DGKH: variants seen among roughly 807,000 people sequenced by gnomAD.
DGKH encodes diacylglycerol kinase eta.
A neutral mutation model predicts 159.3 loss-of-function variants in DGKH; 90 were observed. The ratio of observed to expected loss-of-function variants is 0.57; its 90% CI spans 0.48 to 0.67. The LOEUF (loss-of-function observed/expected upper bound fraction) is 0.67, where lower values mean the gene tolerates loss of function less well. Among genes scored for constraint, DGKH ranks in the 30% least tolerant of loss-of-function variants. DGKH has a pLI of 0.00. For missense variants in DGKH, 1,181 were observed against 1,506.1 expected, an observed-to-expected ratio of 0.78 and a Z score of 3.57; for synonymous variants, 536 against 553.8, an observed-to-expected ratio of 0.97 and a Z score of 0.45.
At chr13:42,111,734 A>C (rs1414630198) in intron 1 of DGKH, among the ~76,000 whole-genome samples, 1 of 152,202 alleles carries the variant, frequency 6.6e-6, no homozygotes, top group Non-Finnish European at 1.5e-5. Flanking sequence ...TTCACTAGAC[A>C]GGGGGAAGCT....
intron 29 of DGKH, among the ~76,000 whole-genome samples, chr13:42,249,504 G>T (rs1958605188): frequency 6.6e-6 from 1 of 152,126 alleles, no homozygotes; most frequent in South Asian, 2.1e-4. Context: ...TAATGAGAAG[G>T]TCAGCAAACT....
At chr13:42,136,711 T>G (rs1273921089) in intron 3 of DGKH, among the ~76,000 whole-genome samples, 1 of 152,090 alleles carries the variant, frequency 6.6e-6, no homozygotes, top group Non-Finnish European at 1.5e-5. Context: ...AGTCTGTAGG[T>G]GTGTGTGAAA....
rs562624722 is a variant in DGKH at position 42,122,608 on chromosome 13, C to T, written c.193-4855C>T. 4.6e-5 allele frequency among the ~76,000 whole-genome samples: 7 copies of T among 152,302 alleles called. No homozygotes were observed. In the South Asian group the frequency reaches 1.5e-3, roughly 32 times the overall value. On this transcript the variant is annotated intron_variant, in intron 1 of 29. Coordinates refer to ENST00000337343, the MANE Select transcript of DGKH (RefSeq NM_178009.5). The stretch of plus-strand genomic sequence containing the variant: ...ATGACCCCATAGCTTCTTGAAGGCT[C>T]TAGGTCTCAACACTGCCATATTGAG...
intron 8 of DGKH, among the ~76,000 whole-genome samples, chr13:42,165,679 T>C (rs1171532109): frequency 1.3e-5 from 2 of 152,148 alleles, no homozygotes; most frequent in East Asian, 1.9e-4. Context: ...TATGTTTTAG[T>C]AAATAAAACA....
chr13:42,056,094 A>G (rs553164346), intron 1 of DGKH, among the ~76,000 whole-genome samples: 71 of 152,360 alleles, frequency 4.7e-4, no homozygotes, highest in Non-Finnish European at 8.5e-4. Flanking sequence ...CCTTGCCTCT[A>G]AAACAAAAGA....
At chr13:42,041,704 CAG>C (rs1880519873) in intron 1 of DGKH, among the ~76,000 whole-genome samples, 1 of 152,134 alleles carries the variant, frequency 6.6e-6, no homozygotes, top group South Asian at 2.1e-4. Context: ...CCCTCTCACT[CAG>C]AGCTCTGGAA....
rs1210012459 is a variant in DGKH at position 42,194,606 on chromosome 13, C to CT, written c.2036-276dup. On this transcript the variant is annotated intron_variant, in intron 16 of 29. Transcript: ENST00000337343. ...AATGGACTTCAAAAGCTTCATTTAT[C>CT]TTTAAGTGTGCATTGATCATATTCA... Among the ~76,000 whole-genome samples, 5 of 152,266 alleles carry CT rather than the reference C, an allele frequency of 3.3e-5. No homozygotes were observed. The East Asian group carries it at 7.7e-4, about 23-fold the overall frequency.
intron 20 of DGKH, among the ~76,000 whole-genome samples, chr13:42,205,548 CTT>C (rs1957444436): frequency 6.6e-6 from 1 of 152,110 alleles, no homozygotes; most frequent in Non-Finnish European, 1.5e-5. Flanking sequence ...TTTTGCTTGA[CTT>C]TGGTTCTGAC....
rs1415726609 is a variant in DGKH at position 42,230,722 on chromosome 13, G to GTA, written c.*1543_*1544dup. On this transcript the variant is annotated 3_prime_UTR_variant, in exon 30 of 30. Transcript: ENST00000337343. ...TACATACACATATACATTTATATGT[G>GTA]TATATATATACCTACATACATATAA... 6.6e-6 allele frequency: 1 copy of GTA among 151,530 alleles called. No homozygotes were observed. Among genetic ancestry groups the GTA allele is most frequent in the Non-Finnish European group, 1.5e-5 (1 of 67,914 alleles). 9.4% of individuals were successfully genotyped at this position (151,530 alleles called of 1,614,324 possible). A position where few individuals can be genotyped will look rare whatever the true frequency, so the allele number is the denominator to read the frequency against.
At chr13:42,065,925 T>C (rs1190312862) in intron 1 of DGKH, among the ~76,000 whole-genome samples, 8 of 151,912 alleles carry the variant, frequency 5.3e-5, no homozygotes, top group African/African-American at 1.9e-4. Context: ...TGAGACAGAG[T>C]CTCCTTCTGT....
intron 5 of DGKH, among the ~76,000 whole-genome samples, chr13:42,158,896 C>A (rs1024961439): frequency 2.6e-5 from 4 of 152,096 alleles, no homozygotes; most frequent in African/African-American, 2.4e-5. Context: ...ATAATCAGCA[C>A]CTACATTTAA....
At chr13:42,137,333 G>T (rs1955421871) in intron 3 of DGKH, among the ~76,000 whole-genome samples, 1 of 152,166 alleles carries the variant, frequency 6.6e-6, no homozygotes, top group African/African-American at 2.4e-5. Flanking sequence ...GATATTTGTT[G>T]TAACTGTTAT....
chr13:42,228,991 T>C (rs994271334), intron 29 of DGKH, 108 bp from the exon 30 acceptor site: 6 of 884,518 alleles, frequency 6.8e-6, no homozygotes, highest in Non-Finnish European at 1.0e-5. Context: ...TCCCCAATTT[T>C]CTATTTTCAA....
intron 1 of DGKH, among the ~76,000 whole-genome samples, chr13:42,072,252 G>A (rs190428360): frequency 6.6e-5 from 10 of 152,282 alleles, no homozygotes; most frequent in African/African-American, 2.4e-4. Flanking sequence ...TTTTGAGAAA[G>A]GCCTGGTCTT....
chr13:42,160,932 C>G (rs1956165895), intron 7 of DGKH, among the ~76,000 whole-genome samples: 1 of 152,046 alleles, frequency 6.6e-6, no homozygotes, highest in South Asian at 2.1e-4. Context: ...ATGAGATTGT[C>G]TGATAGGCTA....
chr13:42,129,551 G>C lies in DGKH; in HGVS notation c.304-1G>C. 6.2e-7 allele frequency: 1 copy of C among 1,609,574 alleles called. No homozygotes were observed. The highest frequency in any genetic ancestry group is 8.5e-7 in the Non-Finnish European group (1 of 1,177,454). On this transcript the variant is annotated splice_acceptor_variant, in intron 2 of 29. Coordinates refer to ENST00000337343, the MANE Select transcript of DGKH (RefSeq NM_178009.5). LOFTEE classifies it high-confidence loss of function. The stretch of plus-strand genomic sequence containing the variant: ...CTTTGTATGTTTTTTTTCATTAACA[G>C]TCTCTGATATTTGATGAAGTTGACC...
At chr13:42,103,441 T>A (rs1043738229) in intron 1 of DGKH, among the ~76,000 whole-genome samples, 6 of 152,200 alleles carry the variant, frequency 3.9e-5, no homozygotes, top group Non-Finnish European at 8.8e-5. Context: ...AAAACCCACA[T>A]CATGTTGGCG....
intron 3 of DGKH, chr13:42,138,098 A>C (rs926513894): frequency 1.0e-6 from 1 of 985,324 alleles, no homozygotes; most frequent in African/African-American, 1.7e-5. Flanking sequence ...GCCTTCAAGA[A>C]GAGAGTTCTC....
At chr13:42,077,629 A>G (rs1381394085) in intron 1 of DGKH, among the ~76,000 whole-genome samples, 1 of 152,240 alleles carries the variant, frequency 6.6e-6, no homozygotes, top group East Asian at 1.9e-4. Context: ...TTGAACTTTT[A>G]TCTGGTTAAT....
Sources: gnomAD v4.1 joint callset for allele counts (sites outside exome capture counted in the v4.1 genomes callset) on GRCh38, gnomAD v4.1.1 for gene constraint, MANE v1.5 for transcripts, NCBI Gene and HGNC (gene_info 2026-07-23, HGNC 2026-07-21) for gene names.